Variants in DENND1A observed in about 807,000 individuals in gnomAD.
DENND1A encodes the protein DENN domain-containing protein 1A.
DENND1A carries 51 observed loss-of-function variants against 113.7 expected under a neutral mutation model. That is an observed-to-expected ratio of 0.45 (90% CI 0.36 to 0.57). The LOEUF (loss-of-function observed/expected upper bound fraction) is 0.57. DENND1A is among the 20% of genes least tolerant of loss of function. The pLI is 0.00. For synonymous variants in DENND1A, 565 were observed against 570.8 expected, an observed-to-expected ratio of 0.99 and a Z score of 0.14; for missense variants, 1,258 against 1,395.9, an observed-to-expected ratio of 0.90 and a Z score of 1.57.
intron 2 of DENND1A, among the ~76,000 whole-genome samples, chr9:123,856,629 G>T (rs1025257713): frequency 6.6e-6 from 1 of 152,168 alleles, no homozygotes; most frequent in East Asian, 1.9e-4. Flanking sequence ...CAACATGGAA[G>T]GACATGGCAG....
At chr9:123,667,860 A>G (rs749039251) in intron 7 of DENND1A, among the ~76,000 whole-genome samples, 12 of 152,268 alleles carry the variant, frequency 7.9e-5, no homozygotes, top group Admixed American at 2.6e-4. Flanking sequence ...GAAGAGTTCC[A>G]GTTGCTGGAG....
chr9:123,779,517 C>G (rs1471510568), intron 3 of DENND1A, among the ~76,000 whole-genome samples: 1 of 152,116 alleles, frequency 6.6e-6, no homozygotes, highest in African/African-American at 2.4e-5. Flanking sequence ...AAATACAAAA[C>G]AAAACAGGGT....
chr9:123,440,062 A>C, intron 19 of DENND1A: 1 of 226,772 alleles, frequency 4.4e-6, no homozygotes, highest in African/African-American at 2.3e-5. Context: ...ATGCTTAGCT[A>C]ACAGAGGCAC....
chr9:123,847,779 A>G (rs983616224), intron 2 of DENND1A, among the ~76,000 whole-genome samples: 3 of 152,274 alleles, frequency 2.0e-5, no homozygotes, highest in African/African-American at 2.4e-5. Flanking sequence ...TACCGAAAAT[A>G]CAGAAATTAG....
intron 19 of DENND1A, among the ~76,000 whole-genome samples, chr9:123,415,554 G>A (rs1001322128): frequency 1.6e-4 from 25 of 152,194 alleles, no homozygotes; most frequent in African/African-American, 4.6e-4. Context: ...TGTCACCAGC[G>A]GATTAGACAG....
chr9:123,876,426 G>A (rs1345259991), intron 2 of DENND1A, among the ~76,000 whole-genome samples: 1 of 152,086 alleles, frequency 6.6e-6, no homozygotes, highest in Non-Finnish European at 1.5e-5. Flanking sequence ...CATTATACTA[G>A]GGGTATATAA....
intron 2 of DENND1A, among the ~76,000 whole-genome samples, chr9:123,875,091 C>G (rs540579293): frequency 4.1e-4 from 62 of 152,318 alleles, no homozygotes; most frequent in African/African-American, 1.3e-3. Context: ...ACGGAAGACC[C>G]TTTCAAACAT....
intron 2 of DENND1A, among the ~76,000 whole-genome samples, chr9:123,831,112 G>A (rs893702458): frequency 2.6e-5 from 4 of 152,066 alleles, no homozygotes; most frequent in African/African-American, 4.8e-5. Flanking sequence ...AAATGTGCTG[G>A]ATACTACGTC....
intron 5 of DENND1A, among the ~76,000 whole-genome samples, chr9:123,727,833 G>A (rs935403679): frequency 2.0e-5 from 3 of 152,234 alleles, no homozygotes; most frequent in South Asian, 2.1e-4. Flanking sequence ...TAGGCCAGGC[G>A]TGGTGGCTCA....
At chr9:123,546,493 A>T (rs563517929) in intron 13 of DENND1A, among the ~76,000 whole-genome samples, 1 of 152,064 alleles carries the variant, frequency 6.6e-6, no homozygotes, top group Non-Finnish European at 1.5e-5. Context: ...CGGAGCTTGC[A>T]GTGAGCCTAG....
At chr9:123,399,904 A>G (rs1454906885) in intron 21 of DENND1A, among the ~76,000 whole-genome samples, 1 of 152,182 alleles carries the variant, frequency 6.6e-6, no homozygotes, top group Non-Finnish European at 1.5e-5. Flanking sequence ...TCTGGGCCTG[A>G]GCTCCCACTC....
chr9:123,704,592 T>A (rs1338929417), intron 5 of DENND1A, among the ~76,000 whole-genome samples: 1 of 152,156 alleles, frequency 6.6e-6, no homozygotes, highest in African/African-American at 2.4e-5. Flanking sequence ...AAATATACTC[T>A]AGAGGGATTC....
At chr9:123,580,597 GA>G (rs1469068377) in intron 12 of DENND1A, among the ~76,000 whole-genome samples, 2 of 152,216 alleles carry the variant, frequency 1.3e-5, no homozygotes, top group African/African-American at 2.4e-5. Context: ...GCACCTAACA[GA>G]CCTCAGGTTC....
chr9:123,707,464 G>T (rs946857308), intron 5 of DENND1A, among the ~76,000 whole-genome samples: 1 of 151,712 alleles, frequency 6.6e-6, no homozygotes, highest in African/African-American at 2.4e-5. Context: ...TAACACTTTG[G>T]GGAGGTATGG....
intron 2 of DENND1A, among the ~76,000 whole-genome samples, chr9:123,821,307 A>G (rs1013039096): frequency 2.0e-5 from 3 of 152,194 alleles, no homozygotes; most frequent in African/African-American, 7.2e-5. Context: ...TTGGAAAATT[A>G]TATATATATC....
intron 12 of DENND1A, among the ~76,000 whole-genome samples, chr9:123,563,262 G>A (rs961177087): frequency 7.2e-5 from 11 of 152,020 alleles, no homozygotes; most frequent in South Asian, 2.1e-4. Flanking sequence ...GTATTGCCCC[G>A]GCCCTGCCTT....
intron 2 of DENND1A, among the ~76,000 whole-genome samples, chr9:123,807,791 C>G (rs1282471647): frequency 6.6e-6 from 1 of 152,218 alleles, no homozygotes; most frequent in Non-Finnish European, 1.5e-5. Flanking sequence ...CCATGTCATG[C>G]CACTTAAGCT....
chr9:123,707,288 C>A (rs554892980), intron 5 of DENND1A, among the ~76,000 whole-genome samples: 1 of 151,348 alleles, frequency 6.6e-6, no homozygotes, highest in Non-Finnish European at 1.5e-5. Flanking sequence ...CAGCTACTCG[C>A]GAGGCTGAGG....
At chr9:123,712,732 C>A (rs1369908130) in intron 5 of DENND1A, among the ~76,000 whole-genome samples, 3 of 152,054 alleles carry the variant, frequency 2.0e-5, no homozygotes, top group African/African-American at 7.2e-5. Flanking sequence ...AATTAATTAA[C>A]AAAACAGGCT....
Sources: gnomAD v4.1 joint callset for allele counts (sites outside exome capture counted in the v4.1 genomes callset) on GRCh38, gnomAD v4.1.1 for gene constraint, MANE v1.5 for transcripts, NCBI Gene and HGNC (gene_info 2026-07-23, HGNC 2026-07-21) for gene names.